Variants in KHDRBS2 observed in about 807,000 individuals in gnomAD.
The protein encoded by KHDRBS2 is KH domain-containing, RNA-binding, signal transduction-associated protein 2.
A neutral mutation model predicts 44.3 loss-of-function variants in KHDRBS2; 26 were observed. That is an observed-to-expected ratio of 0.59 (90% CI 0.43 to 0.81). The LOEUF (loss-of-function observed/expected upper bound fraction) is 0.81. Among genes scored for constraint, KHDRBS2 ranks in the 40% least tolerant of loss-of-function variants. The probability of loss-of-function intolerance (pLI) is 0.00; values close to 1 mark genes in which losing one functional copy is unlikely to be tolerated. For missense variants in KHDRBS2, 476 were observed against 433.1 expected (o/e 1.10, Z -0.88); for synonymous variants, 194 against 151.1 (o/e 1.28, Z -2.08).
chr6:61,953,374 T>C (rs1424735440), intron 4 of KHDRBS2, among the ~76,000 whole-genome samples: 1 of 151,916 alleles, frequency 6.6e-6, no homozygotes, highest in African/African-American at 2.4e-5. Flanking sequence ...ACTAGAAAAA[T>C]AAGGATTGGA....
At chr6:62,218,712 T>A (rs1830416396) in intron 1 of KHDRBS2, among the ~76,000 whole-genome samples, 1 of 152,040 alleles carries the variant, frequency 6.6e-6, no homozygotes, top group Middle Eastern at 3.4e-3. Context: ...AAAATAAGTA[T>A]CTTCACTCAC....
chr6:62,082,469 G>A (rs1231732986), intron 2 of KHDRBS2, among the ~76,000 whole-genome samples: 1 of 152,052 alleles, frequency 6.6e-6, no homozygotes. Context: ...TCTTAAGGCT[G>A]TCCAGTGGAT....
chr6:61,772,561 A>G (rs1173922726), intron 6 of KHDRBS2, among the ~76,000 whole-genome samples: 5 of 152,236 alleles, frequency 3.3e-5, no homozygotes, highest in Admixed American at 3.3e-4. Context: ...AAGAAAATCT[A>G]GAAGAAATGG....
At chr6:62,022,754 C>A (rs1379107203) in intron 3 of KHDRBS2, among the ~76,000 whole-genome samples, 2 of 151,666 alleles carry the variant, frequency 1.3e-5, no homozygotes, top group Admixed American at 6.6e-5. Context: ...TCTGAATTCT[C>A]ATTTCATCAA....
intron 1 of KHDRBS2, among the ~76,000 whole-genome samples, chr6:62,253,502 G>A (rs927106371): frequency 6.6e-6 from 1 of 151,646 alleles, no homozygotes; most frequent in African/African-American, 2.4e-5. Context: ...CTCCTCTTTG[G>A]CCTTTTCTTC....
At chr6:61,604,212 C>A in the KHDRBS2 span, among the ~76,000 whole-genome samples, 1 of 152,160 alleles carries the variant, frequency 6.6e-6, no homozygotes, top group Non-Finnish European at 1.5e-5. Flanking sequence ...ATCATTAATA[C>A]CTCTTTAATA....
In KHDRBS2 at chr6:61,985,370, C is replaced by A. The variant is rs148112088; in HGVS notation, c.337-7158G>T. Among the ~76,000 whole-genome samples the A allele has an allele frequency of 3.6e-3, 555 of 152,242 alleles. 4 individuals are homozygous for A. Among genetic ancestry groups the A allele is most frequent in the African/African-American group, 0.012 (513 of 41,538 alleles). On this transcript the variant is annotated intron_variant, in intron 3 of 8. Coordinates refer to ENST00000281156, the MANE Select transcript of KHDRBS2 (RefSeq NM_152688.4). ...TCAATATTTCAAATATCAACCTTTT[C>A]TGTAGAGATTCTTATATAGCCCAGG... is the stretch of plus-strand genomic sequence containing the variant.
intron 2 of KHDRBS2, among the ~76,000 whole-genome samples, chr6:62,110,975 T>G (rs1276933663): frequency 6.6e-6 from 1 of 152,132 alleles, no homozygotes; most frequent in Admixed American, 6.6e-5. Context: ...TTTTTAAGTA[T>G]AACAGACCTT....
At chr6:61,809,463 G>C (rs75303242) in intron 6 of KHDRBS2, among the ~76,000 whole-genome samples, 9,854 of 152,078 alleles carry the variant, frequency 0.065, 395 homozygotes, top group Middle Eastern at 0.13. Context: ...CTTAGCTATT[G>C]TAATATCTGA....
intron 2 of KHDRBS2, among the ~76,000 whole-genome samples, chr6:62,062,734 C>A (rs1456367743): frequency 8.2e-5 from 12 of 146,176 alleles, no homozygotes; most frequent in South Asian, 2.2e-4. Flanking sequence ...AAAGCAAGAG[C>A]AAACACATTC....
chr6:61,949,047 C>T (rs548346560), intron 4 of KHDRBS2, among the ~76,000 whole-genome samples: 1 of 152,038 alleles, frequency 6.6e-6, no homozygotes, highest in Non-Finnish European at 1.5e-5. Context: ...CTTTTGGGAG[C>T]TAACCTTCCT....
intron 1 of KHDRBS2, among the ~76,000 whole-genome samples, chr6:62,188,594 A>G (rs1468612794): frequency 6.6e-6 from 1 of 152,192 alleles, no homozygotes; most frequent in Non-Finnish European, 1.5e-5. Context: ...ACATTAATTA[A>G]GTATGGGAAA....
At chr6:62,175,205 A>G (rs967394942) in intron 2 of KHDRBS2, among the ~76,000 whole-genome samples, 3 of 151,692 alleles carry the variant, frequency 2.0e-5, no homozygotes, top group Admixed American at 6.6e-5. Context: ...AAAAAGCTCT[A>G]AAGTTATCTT....
intron 6 of KHDRBS2, among the ~76,000 whole-genome samples, chr6:61,829,106 T>C (rs1271894836): frequency 1.3e-5 from 2 of 152,222 alleles, no homozygotes; most frequent in African/African-American, 4.8e-5. Context: ...TACGTTTTAG[T>C]GTGTATATAG....
At chr6:61,549,063 T>C in the KHDRBS2 span, among the ~76,000 whole-genome samples, 4 of 152,096 alleles carry the variant, frequency 2.6e-5, no homozygotes, top group Non-Finnish European at 4.4e-5. Flanking sequence ...AGAAAAGAAA[T>C]GTAAACATAA....
intron 6 of KHDRBS2, among the ~76,000 whole-genome samples, chr6:61,889,399 C>T (rs1401444984): frequency 6.6e-6 from 1 of 152,174 alleles, no homozygotes; most frequent in African/African-American, 2.4e-5. Context: ...CAACTTCCCT[C>T]GTGATATATT....
chr6:61,816,104 T>C (rs1340987823), intron 6 of KHDRBS2, among the ~76,000 whole-genome samples: 1 of 152,122 alleles, frequency 6.6e-6, no homozygotes, highest in Non-Finnish European at 1.5e-5. Context: ...AAACAATAAC[T>C]AAATTTGAGT....
At chr6:62,076,127 C>T (rs1466112930) in intron 2 of KHDRBS2, among the ~76,000 whole-genome samples, 1 of 151,902 alleles carries the variant, frequency 6.6e-6, no homozygotes, top group Non-Finnish European at 1.5e-5. Flanking sequence ...CCATATATTT[C>T]TGTCAGCCCT....
At chr6:61,842,193 A>C (rs1321912934) in intron 6 of KHDRBS2, among the ~76,000 whole-genome samples, 5 of 152,180 alleles carry the variant, frequency 3.3e-5, no homozygotes, top group Admixed American at 2.6e-4. Context: ...TTGTGCTGCC[A>C]CCTATGACAG....
Sources: allele counts gnomAD v4.1 joint callset (sites outside exome capture counted in the v4.1 genomes callset), GRCh38; gene constraint gnomAD v4.1.1; transcripts MANE v1.5; gene names NCBI Gene and HGNC (gene_info 2026-07-23, HGNC 2026-07-21).